DUSP16: variants seen among roughly 807,000 people sequenced by gnomAD.
The protein encoded by DUSP16 is dual specificity phosphatase 16.
DUSP16 carries 21 observed loss-of-function variants against 58.3 expected under a neutral mutation model. The ratio of observed to expected loss-of-function variants is 0.36; its 90% CI spans 0.26 to 0.52. DUSP16 has a LOEUF of 0.52. Among genes scored for constraint, DUSP16 ranks in the 20% least tolerant of loss-of-function variants. The probability of loss-of-function intolerance (pLI) is 0.94; values close to 1 mark genes in which losing one functional copy is unlikely to be tolerated. For missense variants in DUSP16, 726 were observed against 819.0 expected, an observed-to-expected ratio of 0.89 and a Z score of 1.39; for synonymous variants, 320 against 323.8, an observed-to-expected ratio of 0.99 and a Z score of 0.12.
intron 3 of DUSP16, among the ~76,000 whole-genome samples, chr12:12,502,694 G>A (rs928924601): frequency 1.3e-5 from 2 of 151,488 alleles, no homozygotes; most frequent in African/African-American, 4.8e-5. Context: ...TGGGACTACA[G>A]GTATGCACCA....
intron 3 of DUSP16, among the ~76,000 whole-genome samples, chr12:12,517,959 A>G (rs1278924578): frequency 6.6e-6 from 1 of 152,186 alleles, no homozygotes; most frequent in Non-Finnish European, 1.5e-5. Context: ...CTTATTGCCC[A>G]GTGAATGCCC....
intron 3 of DUSP16, among the ~76,000 whole-genome samples, chr12:12,513,075 G>A (rs1430158957): frequency 6.6e-6 from 1 of 152,140 alleles, no homozygotes; most frequent in Non-Finnish European, 1.5e-5. Flanking sequence ...AATGTGTAGA[G>A]TCTAATACAT....
chr12:12,529,692 C>A (rs954232306), intron 1 of DUSP16, among the ~76,000 whole-genome samples: 8 of 152,190 alleles, frequency 5.3e-5, no homozygotes, highest in African/African-American at 1.9e-4. Context: ...CTTCCCCTCC[C>A]CATTAAACAT....
chr12:12,510,558 T>C (rs1015848321), intron 3 of DUSP16, among the ~76,000 whole-genome samples: 1 of 152,224 alleles, frequency 6.6e-6, no homozygotes, highest in Non-Finnish European at 1.5e-5. Context: ...GAGAAAGGGA[T>C]AACTGCGTTT....
At chr12:12,493,763 C>A (rs1943792995) in intron 4 of DUSP16, among the ~76,000 whole-genome samples, 1 of 152,116 alleles carries the variant, frequency 6.6e-6, no homozygotes, top group African/African-American at 2.4e-5. Flanking sequence ...GTTCAAATGC[C>A]TCTATCTCAA....
chr12:12,530,596 T>C (rs1481985235), intron 1 of DUSP16, among the ~76,000 whole-genome samples: 1 of 152,164 alleles, frequency 6.6e-6, no homozygotes, highest in Admixed American at 6.5e-5. Context: ...TGAAAAAACA[T>C]ATATATAAGA....
At chr12:12,528,682 A>T (rs1031969851) in intron 1 of DUSP16, among the ~76,000 whole-genome samples, 1 of 152,218 alleles carries the variant, frequency 6.6e-6, no homozygotes, top group Non-Finnish European at 1.5e-5. Flanking sequence ...ATTCATTATA[A>T]TTTATAAGTT....
intron 6 of DUSP16, among the ~76,000 whole-genome samples, chr12:12,479,609 G>C (rs1011476826): frequency 6.6e-6 from 1 of 152,116 alleles, no homozygotes; most frequent in Non-Finnish European, 1.5e-5. Context: ...CCTGCTCCAT[G>C]AGTCTCTATA....
chr12:12,528,578 G>T (rs1944337563), intron 1 of DUSP16, among the ~76,000 whole-genome samples: 1 of 152,158 alleles, frequency 6.6e-6, no homozygotes, highest in South Asian at 2.1e-4. Context: ...AATTCATCAG[G>T]CCTACTGTAA....
chr12:12,550,304 C>T (rs1337456930), intron 1 of DUSP16, among the ~76,000 whole-genome samples: 1 of 151,504 alleles, frequency 6.6e-6, no homozygotes, highest in Non-Finnish European at 1.5e-5. Flanking sequence ...TATCAGACTG[C>T]TCTAAAAAGA....
chr12:12,544,409 C>T (rs573233228), intron 1 of DUSP16, among the ~76,000 whole-genome samples: 1 of 152,228 alleles, frequency 6.6e-6, no homozygotes, highest in East Asian at 1.9e-4. Context: ...ATGAATTGTG[C>T]TGCTATGAAC....
intron 5 of DUSP16, among the ~76,000 whole-genome samples, chr12:12,486,481 AGTGTGTGT>A (rs56941943): frequency 0.02 from 3,010 of 147,282 alleles, 36 homozygotes; most frequent in Non-Finnish European, 0.022. Flanking sequence ...ACCAAATGAG[AGTGTGTGT>A]GTGTGTGTGT....
At chr12:12,486,924 G>A in intron 5 of DUSP16, 104 bp downstream of exon 5, 1 of 1,381,680 alleles carries the variant, frequency 7.2e-7, no homozygotes. Flanking sequence ...TGAAATCTCT[G>A]AAATAGGCTC....
Position 12,501,659 on chromosome 12 carries a change from G to T in DUSP16, c.368-977C>A, listed in dbSNP as rs575955572. ...CTATTCACTAAGTCCGAATCAAGGA[G>T]ATTTGGATGACGGGATCCTCGTATA... On this transcript the variant is annotated intron_variant, in intron 3 of 6. Coordinates refer to ENST00000298573, the MANE Select transcript of DUSP16 (RefSeq NM_030640.3). Among the ~76,000 whole-genome samples, 222 of 152,276 alleles carry T rather than the reference G, an allele frequency of 1.5e-3. 1 individual carries two copies. Among genetic ancestry groups the T allele is most frequent in the African/African-American group, 5.0e-3 (209 of 41,562 alleles).
intron 3 of DUSP16, among the ~76,000 whole-genome samples, chr12:12,517,038 G>A (rs1400598955): frequency 6.6e-6 from 1 of 152,194 alleles, no homozygotes; most frequent in Non-Finnish European, 1.5e-5. Context: ...TGAAGGAAAA[G>A]AGCTCGTTAA....
Position 12,562,714 on chromosome 12 carries a change from G to C in DUSP16, c.-963C>G, listed in dbSNP as rs1944926110. 6.6e-6 allele frequency among the ~76,000 whole-genome samples: 1 copy of C among 151,634 alleles called. No individual in the cohort carries two copies. The highest frequency in any genetic ancestry group is 2.1e-4 in the South Asian group (1 of 4,834). On this transcript the variant is annotated 5_prime_UTR_variant, in exon 1 of 7. Coordinates refer to ENST00000298573, the MANE Select transcript of DUSP16 (RefSeq NM_030640.3). ...CTCAGCGGAGCCCCGGGGAAAGGAG[G>C]AGACAGGCGAGGGCAGGGCGGTGGG...
chr12:12,500,634 T>C lies in DUSP16; in HGVS notation c.416A>G (p.Lys139Arg). Reference sequence around the variant, plus strand: ...AATGCAGGTAGGGACTAGAGTGGATTTTCCTTCACAGAGGCCAGGGAAACA... The same window carrying C: ...AATGCAGGTAGGGACTAGAGTGGATCTTCCTTCACAGAGGCCAGGGAAACA... ...SRCFPGLCEG[K>R]STLVPTCISQ... The change falls in exon 4 of 7, where the codon AAA becomes AGA. Residue 139 changes from lysine (K) to arginine (R), a missense_variant. Transcript: ENST00000298573. The C allele has an allele frequency of 1.2e-6, 2 of 1,607,392 alleles. No homozygotes were observed. The highest frequency in any genetic ancestry group is 1.1e-5 in the South Asian group (1 of 89,716).
intron 1 of DUSP16, among the ~76,000 whole-genome samples, chr12:12,521,987 C>T (rs556108690): frequency 1.1e-4 from 16 of 152,222 alleles, no homozygotes; most frequent in African/African-American, 2.9e-4. Context: ...TGAGCTCACG[C>T]GAGTACCAGG....
intron 4 of DUSP16, among the ~76,000 whole-genome samples, chr12:12,498,006 A>C (rs1411814517): frequency 6.6e-6 from 1 of 151,960 alleles, no homozygotes; most frequent in African/African-American, 2.4e-5. Flanking sequence ...CAAAACACTA[A>C]TAATATTAGT....
Sources: allele counts gnomAD v4.1 joint callset (sites outside exome capture counted in the v4.1 genomes callset), GRCh38; gene constraint gnomAD v4.1.1; transcripts MANE v1.5; gene names NCBI Gene and HGNC (gene_info 2026-07-23, HGNC 2026-07-21).